Variants in HNRNPC observed in about 807,000 individuals in gnomAD.
HNRNPC encodes heterogeneous nuclear ribonucleoprotein C.
Under a neutral mutation model 33.2 loss-of-function variants are expected in HNRNPC, and 3 were observed. The ratio of observed to expected loss-of-function variants is 0.09; its 90% CI spans 0.04 to 0.23. HNRNPC has a LOEUF of 0.23. Ranked by LOEUF, HNRNPC falls within the 10% of genes least tolerant of loss-of-function variation. The pLI is 1.00. For synonymous variants in HNRNPC, 121 were observed against 126.7 expected (o/e 0.96, Z 0.30); for missense variants, 143 against 366.7 (o/e 0.39, Z 4.98).
intron 2 of HNRNPC, among the ~76,000 whole-genome samples, chr14:21,251,737 T>C: frequency 6.6e-6 from 1 of 152,184 alleles, no homozygotes; most frequent in East Asian, 1.9e-4. Context: ...TACTATGCTT[T>C]TTTTGTTGTG....
chr14:21,259,777 C>G (rs559592751), intron 2 of HNRNPC, among the ~76,000 whole-genome samples: 2 of 151,458 alleles, frequency 1.3e-5, no homozygotes, highest in South Asian at 4.2e-4. Flanking sequence ...ATCTCATTTC[C>G]TCTACACCAT....
intron 2 of HNRNPC, among the ~76,000 whole-genome samples, chr14:21,255,233 G>C (rs1166029334): frequency 6.6e-6 from 1 of 152,074 alleles, no homozygotes; most frequent in Admixed American, 6.6e-5. Flanking sequence ...CCTAAATCTG[G>C]TTCAATGAAC....
chr14:21,231,594 T>C (rs1434937653), intron 3 of HNRNPC, among the ~76,000 whole-genome samples: 1 of 152,174 alleles, frequency 6.6e-6, no homozygotes, highest in Non-Finnish European at 1.5e-5. Context: ...GCTATCAAGC[T>C]CAGCTTCATC....
At chr14:21,258,208 T>A (rs547576223) in intron 2 of HNRNPC, among the ~76,000 whole-genome samples, 10 of 152,176 alleles carry the variant, frequency 6.6e-5, no homozygotes, top group Admixed American at 5.9e-4. Context: ...CTGGCCAACA[T>A]GGTGAAACCC....
intron 2 of HNRNPC, among the ~76,000 whole-genome samples, chr14:21,247,135 A>G (rs767231437): frequency 1.3e-5 from 2 of 152,204 alleles, no homozygotes; most frequent in Non-Finnish European, 2.9e-5. Flanking sequence ...AACTGTAAAT[A>G]TAAGAATCCT....
chr14:21,217,885 C>T (rs1176151451), intron 5 of HNRNPC, among the ~76,000 whole-genome samples: 2 of 152,090 alleles, frequency 1.3e-5, no homozygotes, highest in Non-Finnish European at 2.9e-5. Flanking sequence ...ACTATCTTAA[C>T]ACAAAACCAG....
At chr14:21,253,170 C>CT (rs1227171524) in intron 2 of HNRNPC, among the ~76,000 whole-genome samples, 2 of 113,456 alleles carry the variant, frequency 1.8e-5, no homozygotes, top group Non-Finnish European at 3.6e-5. Context: ...AAGACTCTGT[C>CT]TTTAAAAAAA....
At chr14:21,243,833 C>G (rs1895640653) in intron 2 of HNRNPC, among the ~76,000 whole-genome samples, 1 of 152,080 alleles carries the variant, frequency 6.6e-6, no homozygotes, top group South Asian at 2.1e-4. Flanking sequence ...TGGTAGAATA[C>G]TTACTGACTG....
intron 2 of HNRNPC, among the ~76,000 whole-genome samples, chr14:21,254,778 C>T (rs536676969): frequency 4.6e-5 from 7 of 152,138 alleles, no homozygotes; most frequent in South Asian, 2.1e-4. Context: ...TGGTGGCAGG[C>T]GCCTGTAATC....
chr14:21,233,627 A>G (rs1287705585), intron 3 of HNRNPC, among the ~76,000 whole-genome samples: 1 of 152,166 alleles, frequency 6.6e-6, no homozygotes, highest in Admixed American at 6.5e-5. Context: ...GAGACAAGCA[A>G]TCAACACTAG....
chr14:21,262,622 A>C (rs1878424723), intron 2 of HNRNPC: 1 of 152,258 alleles, frequency 6.6e-6, no homozygotes, highest in African/African-American at 2.4e-5. Context: ...AAGGGTGTGC[A>C]TCTGTTCCGA....
intron 5 of HNRNPC, among the ~76,000 whole-genome samples, chr14:21,226,016 A>G (rs1893380588): frequency 6.6e-6 from 1 of 152,118 alleles, no homozygotes; most frequent in South Asian, 2.1e-4. Flanking sequence ...TTAAAGAATT[A>G]TAAGAATAGT....
Position 21,211,026 on chromosome 14 carries a change from T to G in HNRNPC, c.*197A>C, listed in dbSNP as rs1203565370. On this transcript the variant is annotated 3_prime_UTR_variant, in exon 9 of 9. Transcript: ENST00000553300. ...ACAGGGTAAGACTTAACAAAACTAC[T>G]AGGAGCGTCAAAGGAAGTGAAAATG... 1.7e-6 allele frequency: 1 copy of G among 605,690 alleles called. No homozygotes were observed. The highest frequency in any genetic ancestry group is 1.9e-5 in the African/African-American group (1 of 53,968). The allele number at this position is 605,690 out of a possible 1,614,324, so 37.5% of individuals were successfully genotyped here. A position where few individuals can be genotyped will look rare whatever the true frequency, so the allele number is the denominator to read the frequency against.
chr14:21,236,338 AG>A (rs751609663), intron 2 of HNRNPC: 1 of 152,318 alleles, frequency 6.6e-6, no homozygotes, highest in Non-Finnish European at 1.5e-5. Context: ...CAACTTCCAA[AG>A]TTTGCCTAAA....
At position 21,211,040 on chromosome 14, in the gene HNRNPC, G is replaced by A; in HGVS notation, c.*183C>T. 7.8e-6 allele frequency: 5 copies of A among 637,468 alleles called. No homozygotes were observed. Among genetic ancestry groups the A allele is most frequent in the Non-Finnish European group, 1.4e-5 (5 of 368,440 alleles). The allele number at this position is 637,468 out of a possible 1,614,324, so 39.5% of individuals were successfully genotyped here. A position where few individuals can be genotyped will look rare whatever the true frequency, so the allele number is the denominator to read the frequency against. On this transcript the variant is annotated 3_prime_UTR_variant, in exon 9 of 9. Transcript: ENST00000553300. ...AACAAAACTACTAGGAGCGTCAAAG[G>A]AAGTGAAAATGGGACTAGGCGCGGG...
chr14:21,262,194 T>C (rs1878362461), intron 2 of HNRNPC, among the ~76,000 whole-genome samples: 1 of 152,210 alleles, frequency 6.6e-6, no homozygotes, highest in Admixed American at 6.5e-5. Flanking sequence ...TTGTGAAATA[T>C]TAATGAGATA....
chr14:21,251,254 C>A (rs1319387227), intron 2 of HNRNPC, among the ~76,000 whole-genome samples: 1 of 121,054 alleles, frequency 8.3e-6, no homozygotes, highest in Non-Finnish European at 1.7e-5. Context: ...GAGCAAGACT[C>A]CCTCTCAAAA....
intron 1 of HNRNPC, chr14:21,263,938 CAT>C (rs1878577766): frequency 6.6e-6 from 1 of 152,144 alleles, no homozygotes; most frequent in Non-Finnish European, 1.5e-5. Context: ...TTTGGTAAAG[CAT>C]TAACATTCCA....
chr14:21,228,295 T>C (rs531431255), intron 5 of HNRNPC, among the ~76,000 whole-genome samples: 1 of 152,328 alleles, frequency 6.6e-6, no homozygotes, highest in South Asian at 2.1e-4. Context: ...AAGGTCTGAT[T>C]GCAAAAATTC....
Sources: allele counts gnomAD v4.1 joint callset (sites outside exome capture counted in the v4.1 genomes callset), GRCh38; gene constraint gnomAD v4.1.1; transcripts MANE v1.5; gene names NCBI Gene and HGNC (gene_info 2026-07-23, HGNC 2026-07-21).